OR52D1: variants seen among roughly 807,000 people sequenced by gnomAD.
OR52D1 encodes olfactory receptor 52D1.
For missense variants in OR52D1, 423 were observed against 390.0 expected (o/e 1.08, Z -0.71); for synonymous variants, 175 against 149.0 (o/e 1.17, Z -1.27).
chr11:5,489,604 A>G lies in OR52D1; in HGVS notation c.898A>G (p.Thr300Ala). The change falls in exon 1 of 1, where the codon ACC becomes GCC. Residue 300 changes from threonine (T) to alanine (A), a missense_variant. Transcript: ENST00000322641. ...VLNPILYGAR[T>A]KEIRSRLLKL... ...CAATCCTATTCTCTATGGAGCTAGA[A>G]CCAAGGAGATTCGGAGTCGACTTCT... 6.2e-7 allele frequency: 1 copy of G among 1,613,978 alleles called. No individual in the cohort carries two copies. Among genetic ancestry groups the G allele is most frequent in the Non-Finnish European group, 8.5e-7 (1 of 1,179,954 alleles).
chr11:5,488,710 T>A lies in OR52D1; in HGVS notation c.4T>A (p.Ser2Thr), dbSNP rs777584613. The change falls in exon 1 of 1, where the codon TCA (serine) becomes ACA (threonine). Residue 2 changes from serine to threonine, a missense_variant. Physicochemically the swap from Ser to Thr is moderately conservative, Grantham distance 58 (BLOSUM62 1). Transcript: ENST00000322641. The part of the protein sequence containing the change: M[S>T]DSNLSDNHLP... ...AGCCCTTCATTTGCCAGGAAGAATG[T>A]CAGATTCCAACCTCAGTGATAACCA... is the stretch of plus-strand genomic sequence containing the variant. 6.2e-7 allele frequency: 1 copy of A among 1,610,006 alleles called. No homozygotes were observed. Among genetic ancestry groups the A allele is most frequent in the Admixed American group, 1.7e-5 (1 of 59,862 alleles).
Position 5,489,716 on chromosome 11 carries a change from TAC to T in OR52D1, c.*55_*56del. On this transcript the variant is annotated 3_prime_UTR_variant, in exon 1 of 1. Transcript: ENST00000322641. ...AAAAAGTGTAGGATGGCTGTCTAGA[TAC>T]ATTTACATGGACACACAGTGATGAT... 1.7e-6 allele frequency: 2 copies of T among 1,166,584 alleles called. No homozygotes were observed. Among genetic ancestry groups the T allele is most frequent in the Admixed American group, 3.7e-5 (2 of 53,570 alleles). The allele number at this position is 1,166,584 out of a possible 1,614,324, so 72.3% of individuals were successfully genotyped here.
At position 5,488,690 on chromosome 11, in the gene OR52D1, T is replaced by C. The variant is rs751098502; in HGVS notation, c.-17T>C. 3.8e-6 allele frequency: 6 copies of C among 1,566,644 alleles called. No individual in the cohort carries two copies. Among genetic ancestry groups the C allele is most frequent in the Admixed American group, 3.4e-5 (2 of 59,546 alleles). On this transcript the variant is annotated 5_prime_UTR_variant, in exon 1 of 1. Coordinates refer to ENST00000322641, the MANE Select transcript of OR52D1 (RefSeq NM_001005163.2). ...TAACAATACTATTCAGAAAGAGCCCTTCATTTGCCAGGAAGAATGTCAGAT... is the reference window on the plus strand; with the variant it reads ...TAACAATACTATTCAGAAAGAGCCCCTCATTTGCCAGGAAGAATGTCAGAT...
chr11:5,489,407 A>G lies in OR52D1; in HGVS notation c.701A>G (p.His234Arg), dbSNP rs781016615. 4 of 1,613,552 alleles carry G rather than the reference A, an allele frequency of 2.5e-6. No individual in the cohort carries two copies. The highest frequency in any genetic ancestry group is 3.4e-6 in the Non-Finnish European group (4 of 1,179,624). ...CATGCAGTCTTTCATCTTCCATCTCATGATGCCCAGCACAAAGCTCTGAGT... is the reference window on the plus strand; with the variant it reads ...CATGCAGTCTTTCATCTTCCATCTCGTGATGCCCAGCACAAAGCTCTGAGT... The part of the protein sequence containing the change: ...ILHAVFHLPS[H>R]DAQHKALSTC... The change falls in exon 1 of 1, where the codon CAT becomes CGT. Residue 234 changes from histidine (H) to arginine (R), a missense_variant. Transcript: ENST00000322641.
Position 5,489,011 on chromosome 11 carries a change from C to G in OR52D1, c.305C>G (p.Ala102Gly). 6.2e-7 allele frequency: 1 copy of G among 1,614,062 alleles called. No individual in the cohort carries two copies. The highest frequency in any genetic ancestry group is 8.5e-7 in the Non-Finnish European group (1 of 1,179,982). ...AGEISFGGCL[A>G]QMFCVHSIYA... ...GAGATTTCCTTTGGTGGATGCCTGG[C>G]CCAGATGTTTTGTGTCCATTCTATC... The change falls in exon 1 of 1, where the codon GCC becomes GGC. Residue 102 changes from alanine to glycine, a missense_variant. Transcript: ENST00000322641.
At position 5,489,246 on chromosome 11, in the gene OR52D1, A is replaced by G. The variant is rs747735830; in HGVS notation, c.540A>G (p.Thr180=). Residue 180 remains threonine, a synonymous_variant, in exon 1 of 1, where the codon ACA becomes ACG. Coordinates refer to ENST00000322641, the MANE Select transcript of OR52D1 (RefSeq NM_001005163.2). ...PYCGHRVMTH[T]YCEHMGIARL... is the part of the protein sequence containing the mutation. ...GTGGTCACCGTGTCATGACACACAC[A>G]TACTGTGAGCATATGGGCATTGCCC... 7.8e-5 allele frequency: 126 copies of G among 1,613,844 alleles called. No individual in the cohort carries two copies. Among genetic ancestry groups the G allele is most frequent in the Non-Finnish European group, 1.1e-4 (124 of 1,179,960 alleles).
At position 5,489,239 on chromosome 11, in the gene OR52D1, C is replaced by T. The variant is rs1373451722; in HGVS notation, c.533C>T (p.Thr178Ile). The part of the protein sequence containing the change: ...RLPYCGHRVM[T>I]HTYCEHMGIA... ...CCCTACTGTGGTCACCGTGTCATGACACACACATACTGTGAGCATATGGGC... is the reference window on the plus strand; with the variant it reads ...CCCTACTGTGGTCACCGTGTCATGATACACACATACTGTGAGCATATGGGC... The change falls in exon 1 of 1, where the codon ACA becomes ATA. Residue 178 changes from threonine (T) to isoleucine (I), a missense_variant. By Grantham distance (89) the Thr-to-Ile change is moderately conservative (BLOSUM62 -1). Transcript: ENST00000322641. 10 of 1,613,894 alleles carry T rather than the reference C, an allele frequency of 6.2e-6. No homozygotes were observed. Among genetic ancestry groups the T allele is most frequent in the Non-Finnish European group, 8.5e-6 (10 of 1,179,950 alleles).
Position 5,489,583 on chromosome 11 carries a change from C to T in OR52D1, c.877C>T (p.Pro293Ser). 6.2e-7 allele frequency: 1 copy of T among 1,614,008 alleles called. No individual in the cohort carries two copies. The highest frequency in any genetic ancestry group is 1.1e-5 in the South Asian group (1 of 91,086). Residue 293 changes from proline (P) to serine (S), a missense_variant, in exon 1 of 1, where the codon CCT becomes TCT. Physicochemically the swap from Pro to Ser is moderately conservative, Grantham distance 74 (BLOSUM62 -1). Coordinates refer to ENST00000322641, the MANE Select transcript of OR52D1 (RefSeq NM_001005163.2). ...LYVLVPPVLN[P>S]ILYGARTKEI... ...TGTGCTGGTGCCTCCTGTACTCAAT[C>T]CTATTCTCTATGGAGCTAGAACCAA...
Position 5,489,554 on chromosome 11 carries a change from T to C in OR52D1, c.848T>C (p.Leu283Pro). Residue 283 changes from leucine (L) to proline (P), a missense_variant, in exon 1 of 1, where the codon CTC becomes CCC. Physicochemically the swap from Leu to Pro is moderately conservative, Grantham distance 98. Coordinates refer to ENST00000322641, the MANE Select transcript of OR52D1 (RefSeq NM_001005163.2). ...PKHVHIFLAN[L>P]YVLVPPVLNP... ...CATGTGCACATCTTTCTGGCTAATC[T>C]CTATGTGCTGGTGCCTCCTGTACTC... The C allele has an allele frequency of 6.2e-7, 1 of 1,614,012 alleles. No individual in the cohort carries two copies. The highest frequency in any genetic ancestry group is 8.5e-7 in the Non-Finnish European group (1 of 1,179,982).
In OR52D1 at chr11:5,488,757, A is replaced by G. The variant is rs1851532466; in HGVS notation, c.51A>G (p.Leu17=). The part of the protein sequence containing the change: ...SDNHLPDTFF[L]TGIPGLEAAH... The stretch of plus-strand genomic sequence containing the variant: ...ACCATCTTCCAGACACCTTCTTCTT[A>G]ACAGGGATCCCAGGGCTGGAGGCTG... The change falls in exon 1 of 1, where the codon TTA becomes TTG. Residue 17 remains leucine (L), a synonymous_variant. Transcript: ENST00000322641. The G allele has an allele frequency of 1.2e-6, 2 of 1,613,982 alleles. No individual in the cohort carries two copies. The highest frequency in any genetic ancestry group is 2.7e-5 in the African/African-American group (2 of 75,022).
At position 5,489,626 on chromosome 11, in the gene OR52D1, T is replaced by G. The variant is rs1309092031; in HGVS notation, c.920T>G (p.Leu307Arg). ...AGAACCAAGGAGATTCGGAGTCGAC[T>G]TCTAAAACTGCTTCACCTGGGGAAG... is the stretch of plus-strand genomic sequence containing the variant. ...GARTKEIRSR[L>R]LKLLHLGKTS... Residue 307 changes from leucine (L) to arginine (R), a missense_variant, in exon 1 of 1, where the codon CTT (leucine) becomes CGT (arginine). Transcript: ENST00000322641. 1.2e-6 allele frequency: 2 copies of G among 1,613,590 alleles called. No homozygotes were observed. Among genetic ancestry groups the G allele is most frequent in the South Asian group, 2.2e-5 (2 of 90,920 alleles).
chr11:5,489,415 C>T lies in OR52D1; in HGVS notation c.709C>T (p.Gln237Ter). ...CTTTCATCTTCCATCTCATGATGCC[C>T]AGCACAAAGCTCTGAGTACCTGTGG... ...AVFHLPSHDA[Q>*]HKALSTCGSH... Residue 237 changes from glutamine to a stop codon, truncating the protein, a stop_gained, in exon 1 of 1, where the codon CAG becomes TAG. Transcript: ENST00000322641. LOFTEE classifies it high-confidence loss of function. 6.2e-7 allele frequency: 1 copy of T among 1,613,904 alleles called. No homozygotes were observed.
rs1564831434 is a variant in OR52D1 at position 5,489,658 on chromosome 11, A to G, written c.952A>G (p.Ile318Val). Reference sequence around the variant, plus strand: ...ACTGCTTCACCTGGGGAAGACTTCAATATGAATGCTGAGCAGAAGTTGGAG... The same window carrying G: ...ACTGCTTCACCTGGGGAAGACTTCAGTATGAATGCTGAGCAGAAGTTGGAG... ...LKLLHLGKTSI is the reference protein window; with the variant it reads ...LKLLHLGKTSV The change falls in exon 1 of 1, where the codon ATA becomes GTA. Residue 318 changes from isoleucine (I) to valine (V), a missense_variant. Physicochemically the swap from Ile to Val is conservative, Grantham distance 29. Coordinates refer to ENST00000322641, the MANE Select transcript of OR52D1 (RefSeq NM_001005163.2). The G allele has an allele frequency of 5.0e-6, 8 of 1,604,238 alleles. No homozygotes were observed. Among genetic ancestry groups the G allele is most frequent in the Non-Finnish European group, 6.8e-6 (8 of 1,172,634 alleles).
chr11:5,489,045 G>A lies in OR52D1; in HGVS notation c.339G>A (p.Leu113=). ...QMFCVHSIYA[L]ESSILLAMAF... is the part of the protein sequence containing the mutation. Reference sequence around the variant, plus strand: ...TTTGTGTCCATTCTATCTATGCTCTGGAGTCCTCAATTCTACTTGCCATGG... The same window carrying A: ...TTTGTGTCCATTCTATCTATGCTCTAGAGTCCTCAATTCTACTTGCCATGG... Residue 113 remains leucine (L), a synonymous_variant, in exon 1 of 1, where the codon CTG becomes CTA. Transcript: ENST00000322641. 1 of 1,614,020 alleles carries A rather than the reference G, an allele frequency of 6.2e-7. No individual in the cohort carries two copies. The highest frequency in any genetic ancestry group is 1.1e-5 in the South Asian group (1 of 91,078).
chr11:5,489,471 C>T lies in OR52D1; in HGVS notation c.765C>T (p.Tyr255=), dbSNP rs765957488. The part of the protein sequence containing the change: ...GSHIGIILVF[Y]IPAFFSFLTH... ...ACATTGGCATCATCCTGGTTTTCTA[C>T]ATCCCTGCCTTCTTCTCCTTCCTCA... The change falls in exon 1 of 1, where the codon TAC becomes TAT. Residue 255 remains tyrosine, a synonymous_variant. Transcript: ENST00000322641. The T allele has an allele frequency of 5.0e-6, 8 of 1,613,928 alleles. No homozygotes were observed. Among genetic ancestry groups the T allele is most frequent in the Non-Finnish European group, 6.8e-6 (8 of 1,179,962 alleles).
In OR52D1 at chr11:5,488,890, A is replaced by G. The variant is rs775033997; in HGVS notation, c.184A>G (p.Met62Val). The change falls in exon 1 of 1, where the codon ATG (methionine) becomes GTG (valine). Residue 62 changes from methionine to valine, a missense_variant. Transcript: ENST00000322641. ...CATGGACAATGCTCTTCATGCACCT[A>G]TGTACCTCTTCCTCTGCCTTCTCTC... ...IAMDNALHAPMYLFLCLLSLT... is the reference protein window; with the variant it reads ...IAMDNALHAPVYLFLCLLSLT... 1.5e-5 allele frequency: 24 copies of G among 1,613,804 alleles called. No homozygotes were observed. In the East Asian group the frequency reaches 4.2e-4, roughly 28 times the overall value.
rs148339356 is a variant in OR52D1 at position 5,489,584 on chromosome 11, C to T, written c.878C>T (p.Pro293Leu). 1,926 of 1,613,980 alleles carry T rather than the reference C, an allele frequency of 1.2e-3. 1 individual carries two copies. The highest frequency in any genetic ancestry group is 1.4e-3 in the Non-Finnish European group (1,692 of 1,179,954). ...GTGCTGGTGCCTCCTGTACTCAATC[C>T]TATTCTCTATGGAGCTAGAACCAAG... ...LYVLVPPVLN[P>L]ILYGARTKEI... is the part of the protein sequence containing the mutation. The change falls in exon 1 of 1, where the codon CCT becomes CTT. Residue 293 changes from proline (P) to leucine (L), a missense_variant. By Grantham distance (98) the Pro-to-Leu change is moderately conservative. Coordinates refer to ENST00000322641, the MANE Select transcript of OR52D1 (RefSeq NM_001005163.2).
rs1175488110 is a variant in OR52D1, at chr11:5,488,930, C to T, written c.224C>T (p.Ala75Val). The T allele has an allele frequency of 6.2e-7, 1 of 1,614,036 alleles. No homozygotes were observed. The highest frequency in any genetic ancestry group is 1.1e-5 in the South Asian group (1 of 91,084). Reference protein sequence around the residue: ...FLCLLSLTDLALSSTTVPKML... With the variant: ...FLCLLSLTDLVLSSTTVPKML... ...TGCCTTCTCTCACTCACAGACCTGG[C>T]TCTCAGTTCTACCACTGTGCCCAAG... Residue 75 changes from alanine to valine, a missense_variant, in exon 1 of 1, where the codon GCT (alanine) becomes GTT (valine). By Grantham distance (64) the Ala-to-Val change is moderately conservative. Coordinates refer to ENST00000322641, the MANE Select transcript of OR52D1 (RefSeq NM_001005163.2).
chr11:5,489,616 C>A lies in OR52D1; in HGVS notation c.910C>A (p.Arg304=), dbSNP rs11037758. The stretch of plus-strand genomic sequence containing the variant: ...CTATGGAGCTAGAACCAAGGAGATT[C>A]GGAGTCGACTTCTAAAACTGCTTCA... ...ILYGARTKEI[R]SRLLKLLHLG... The change falls in exon 1 of 1, where the codon CGG becomes AGG. Residue 304 remains arginine (R), a synonymous_variant. Coordinates refer to ENST00000322641, the MANE Select transcript of OR52D1 (RefSeq NM_001005163.2). 3 of 1,613,708 alleles carry A rather than the reference C, an allele frequency of 1.9e-6. No homozygotes were observed. The highest frequency in any genetic ancestry group is 1.7e-6 in the Non-Finnish European group (2 of 1,179,888).
Sources: gnomAD v4.1 joint callset for allele counts on GRCh38, gnomAD v4.1.1 for gene constraint, MANE v1.5 for transcripts, NCBI Gene and HGNC (gene_info 2026-07-23, HGNC 2026-07-21) for gene names.